Variants in IFT140 observed in about 807,000 individuals in gnomAD.
IFT140 encodes the protein intraflagellar transport protein 140 homolog.
IFT140 carries 133 observed loss-of-function variants against 164.6 expected under a neutral mutation model. That is an observed-to-expected ratio of 0.81 (90% CI 0.70 to 0.93). The LOEUF is 0.93. Ranked by LOEUF, IFT140 falls within the 40% of genes least tolerant of loss-of-function variation. The pLI, the probability that IFT140 is intolerant of heterozygous loss-of-function variation, is 0.00. For missense variants in IFT140, 2,045 were observed against 1,972.3 expected, an observed-to-expected ratio of 1.04 and a Z score of -0.70; for synonymous variants, 860 against 817.3, an observed-to-expected ratio of 1.05 and a Z score of -0.89.
chr16:1,524,853 G>A lies in IFT140; in HGVS notation c.2928C>T (p.His976=). 6.2e-7 allele frequency: 1 copy of A among 1,613,246 alleles called. No individual in the cohort carries two copies. Among genetic ancestry groups the A allele is most frequent in the Non-Finnish European group, 8.5e-7 (1 of 1,179,668 alleles). The change falls in exon 23 of 31, where the codon CAC becomes CAT. Residue 976 remains histidine (H), a synonymous_variant. Coordinates refer to ENST00000426508, the MANE Select transcript of IFT140 (RefSeq NM_014714.4). ...ESQGEMDAAL[H]YYELARDHFS... Reference sequence around the variant, plus strand: ...AGTGGTCCCGGGCCAGCTCGTAGTAGTGCAGCGCGGCGTCCATCTCGCCCT... The same window carrying A: ...AGTGGTCCCGGGCCAGCTCGTAGTAATGCAGCGCGGCGTCCATCTCGCCCT...
At chr16:1,535,794 G>A (rs938322603) in intron 19 of IFT140, among the ~76,000 whole-genome samples, 5 of 152,184 alleles carry the variant, frequency 3.3e-5, no homozygotes, top group Non-Finnish European at 7.4e-5. Flanking sequence ...ACTTCCTCTC[G>A]CATCCTTCAC....
rs143268217 is a variant in IFT140 at position 1,569,228 on chromosome 16, C to T, written c.1653-894G>A. 3.4e-3 allele frequency among the ~76,000 whole-genome samples: 510 copies of T among 152,148 alleles called. 1 individual carries two copies. Among genetic ancestry groups the T allele is most frequent in the African/African-American group, 0.011 (451 of 41,518 alleles). On this transcript the variant is annotated intron_variant, in intron 14 of 30. Coordinates refer to ENST00000426508, the MANE Select transcript of IFT140 (RefSeq NM_014714.4). ...TTCACCGTGTTAGCCAAGATGGTCTCGATCTCCTTGACCTCGTGATCCGCC... is the reference window on the plus strand; with the variant it reads ...TTCACCGTGTTAGCCAAGATGGTCTTGATCTCCTTGACCTCGTGATCCGCC...
intron 18 of IFT140, among the ~76,000 whole-genome samples, chr16:1,559,304 T>G (rs1424825315): frequency 6.6e-6 from 1 of 152,228 alleles, no homozygotes; most frequent in Non-Finnish European, 1.5e-5. Flanking sequence ...GTGGACAGAA[T>G]GGGTACCCAG....
intron 19 of IFT140, among the ~76,000 whole-genome samples, chr16:1,527,275 A>G (rs1405257106): frequency 1.3e-5 from 2 of 152,258 alleles, no homozygotes; most frequent in African/African-American, 4.8e-5. Flanking sequence ...GGGACGGGGT[A>G]CAGGGCCCAG....
At chr16:1,526,189 C>G in intron 20 of IFT140, 112 bp from the exon 21 acceptor site, 2 of 1,040,100 alleles carry the variant, frequency 1.9e-6, no homozygotes, top group Non-Finnish European at 2.8e-6. Flanking sequence ...GCCAAGCACA[C>G]TGACACACGG....
intron 30 of IFT140, among the ~76,000 whole-genome samples, chr16:1,515,325 G>C (rs2040305628): frequency 6.6e-6 from 1 of 152,164 alleles, no homozygotes; most frequent in Non-Finnish European, 1.5e-5. Flanking sequence ...GGGCCCCACA[G>C]ACAGCCCATA....
chr16:1,607,288 G>A lies in IFT140; in HGVS notation c.-22C>T. 2 of 1,598,996 alleles carry A rather than the reference G, an allele frequency of 1.3e-6. No homozygotes were observed. The highest frequency in any genetic ancestry group is 1.1e-5 in the South Asian group (1 of 88,674). On this transcript the variant is annotated 5_prime_UTR_variant, in exon 3 of 31. Transcript: ENST00000426508. The stretch of plus-strand genomic sequence containing the variant: ...CCATGACGGAACTCAGGCCTCCTCA[G>A]CGCTGAAACCTGCAGGGAAAAAAAA...
At chr16:1,529,142 C>T (rs192285216) in intron 19 of IFT140, among the ~76,000 whole-genome samples, 2 of 152,340 alleles carry the variant, frequency 1.3e-5, no homozygotes, top group East Asian at 3.9e-4. Flanking sequence ...CCTGGTTTTA[C>T]ATGTACTCGG....
In IFT140 at chr16:1,551,793, C is replaced by A. The variant is rs928913874; in HGVS notation, c.2399+6142G>T. On this transcript the variant is annotated intron_variant, in intron 19 of 30. Coordinates refer to ENST00000426508, the MANE Select transcript of IFT140 (RefSeq NM_014714.4). The surrounding 1 kb of genome is among the most constrained non-coding windows in gnomAD (Gnocchi z 4.0). ...CGTGGTCCGGCAGATCCGGCAAGAT[C>A]AACTCTGCGGGACCTCCCACCCGGG... Among the ~76,000 whole-genome samples the A allele has an allele frequency of 2.0e-5, 3 of 152,208 alleles. No individual in the cohort carries two copies. The highest frequency in any genetic ancestry group is 7.2e-5 in the African/African-American group (3 of 41,450).
intron 15 of IFT140, among the ~76,000 whole-genome samples, chr16:1,567,430 C>CACCCGCTCACTCTCGCCCCA (rs368018600): frequency 7.2e-5 from 11 of 152,296 alleles, no homozygotes; most frequent in African/African-American, 2.2e-4. Flanking sequence ...CACCAGTCCT[C>CACCCGCTCACTCTCGCCCCA]ACCCGCTCAC....
In IFT140 at chr16:1,607,110, G is replaced by C; in HGVS notation, c.147+10C>G. ...TACCACAGTCAGGCTCCTTGCTTCT[G>C]AGCACTCACTTGCTCCAGGTAAATA... On this transcript the variant is annotated intron_variant, in intron 3 of 30. Coordinates refer to ENST00000426508, the MANE Select transcript of IFT140 (RefSeq NM_014714.4). 6.2e-7 allele frequency: 1 copy of C among 1,613,484 alleles called. No individual in the cohort carries two copies. Among genetic ancestry groups the C allele is most frequent in the Non-Finnish European group, 8.5e-7 (1 of 1,179,638 alleles).
rs750119535 is a variant in IFT140, at chr16:1,524,680, T to C, written c.3013A>G (p.Asn1005Asp). Residue 1005 changes from asparagine to aspartate, a missense_variant, in exon 24 of 31, where the codon AAC (asparagine) becomes GAC (aspartate). By Grantham distance (23) the Asn-to-Asp change is conservative. Transcript: ENST00000426508. ...GNVQKAAQIANETGNLAASYH... is the reference protein window; with the variant it reads ...GNVQKAAQIADETGNLAASYH... ...GAGGCCGCCAGGTTTCCTGTCTCGT[T>C]GGCTATTTGCGCAGCCTAGAAAGAC... 6.3e-7 allele frequency: 1 copy of C among 1,576,380 alleles called. No individual in the cohort carries two copies. Among genetic ancestry groups the C allele is most frequent in the Non-Finnish European group, 8.6e-7 (1 of 1,156,142 alleles).
chr16:1,562,483 A>T (rs1478072422), intron 17 of IFT140, among the ~76,000 whole-genome samples: 3 of 152,178 alleles, frequency 2.0e-5, no homozygotes, highest in African/African-American at 7.2e-5. Context: ...TTAAAAATCA[A>T]CAGTAGCAGG....
At chr16:1,603,701 T>C (rs999295528) in intron 3 of IFT140, among the ~76,000 whole-genome samples, 4 of 152,240 alleles carry the variant, frequency 2.6e-5, no homozygotes, top group Non-Finnish European at 5.9e-5. Context: ...CAGGCTGGTC[T>C]CAAACTCCTG....
intron 12 of IFT140, 65 bp from the exon 13 acceptor site, chr16:1,580,915 G>C (rs916246414): frequency 5.1e-5 from 55 of 1,083,894 alleles, no homozygotes; most frequent in Admixed American, 1.4e-4. Flanking sequence ...GGAGTTTCAG[G>C]AGCATTCCCA....
intron 4 of IFT140, among the ~76,000 whole-genome samples, chr16:1,592,991 A>G (rs2035269773): frequency 1.3e-5 from 2 of 149,904 alleles, no homozygotes; most frequent in South Asian, 4.2e-4. Context: ...TGGTGGAGGG[A>G]CAGGTGTCCT....
At chr16:1,556,031 G>A (rs113391764) in intron 19 of IFT140, among the ~76,000 whole-genome samples, 4 of 152,258 alleles carry the variant, frequency 2.6e-5, no homozygotes, top group South Asian at 2.1e-4. Context: ...GCTTGAATCC[G>A]GGAGGTGGAG....
At chr16:1,569,794 C>T (rs2033926064) in intron 14 of IFT140, among the ~76,000 whole-genome samples, 1 of 151,456 alleles carries the variant, frequency 6.6e-6, no homozygotes, top group African/African-American at 2.4e-5. Context: ...CACCATGCTG[C>T]CCAGGCTGGT....
chr16:1,589,996 A>C (rs986627707), intron 6 of IFT140, among the ~76,000 whole-genome samples: 18 of 152,290 alleles, frequency 1.2e-4, no homozygotes, highest in African/African-American at 4.3e-4. Context: ...CAGGATTTCA[A>C]GACCAGCCTG....
Sources: gnomAD v4.1 joint callset for allele counts (sites outside exome capture counted in the v4.1 genomes callset) on GRCh38, gnomAD v4.1.1 for gene constraint, Gnocchi (gnomAD v3.1) non-coding constraint, MANE v1.5 for transcripts, NCBI Gene and HGNC (gene_info 2026-07-23, HGNC 2026-07-21) for gene names.